ECT2L: variants seen among roughly 807,000 people sequenced by gnomAD.
ECT2L encodes epithelial cell transforming 2 like.
ECT2L carries 126 observed loss-of-function variants against 122.8 expected under a neutral mutation model. That is an observed-to-expected ratio of 1.03 (90% CI 0.89 to 1.19). The LOEUF is 1.19. ECT2L is among the 50% of genes most tolerant of loss of function. The probability of loss-of-function intolerance (pLI) is 0.00; values close to 1 mark genes in which losing one functional copy is unlikely to be tolerated. For synonymous variants in ECT2L, 385 were observed against 381.8 expected (o/e 1.01, Z -0.10); for missense variants, 1,012 against 1,064.1 (o/e 0.95, Z 0.68).
chr6:138,878,386 T>C (rs922417057), intron 14 of ECT2L, among the ~76,000 whole-genome samples: 2 of 151,664 alleles, frequency 1.3e-5, no homozygotes, highest in African/African-American at 2.4e-5. Context: ...AGATAACAGA[T>C]TGGAATATAA....
At chr6:138,860,274 C>A (rs1777777583) in intron 10 of ECT2L, among the ~76,000 whole-genome samples, 1 of 151,892 alleles carries the variant, frequency 6.6e-6, no homozygotes, top group Non-Finnish European at 1.5e-5. Context: ...TAGTTTTAAG[C>A]TTGACTTTTA....
chr6:138,885,876 C>A, intron 18 of ECT2L, 46 bp downstream of exon 18: 1 of 1,564,828 alleles, frequency 6.4e-7, no homozygotes, highest in Non-Finnish European at 8.7e-7. Context: ...TGTTACAATG[C>A]CTTTGTGGTA....
chr6:138,874,296 G>A (rs1778366404), intron 13 of ECT2L, among the ~76,000 whole-genome samples: 1 of 152,164 alleles, frequency 6.6e-6, no homozygotes, highest in East Asian at 1.9e-4. Context: ...CAGAATGATA[G>A]TTGTCTTATA....
rs767878094 is a variant in ECT2L, at chr6:138,885,666, T to C, written c.2103-8T>C. On this transcript the variant is annotated splice_region_variant and splice_polypyrimidine_tract_variant and intron_variant, in intron 17 of 21. Coordinates refer to ENST00000541398, the MANE Select transcript of ECT2L (RefSeq NM_001077706.3). ...AGACCAGAGCTCCCTTCTCTATGCCTCATACAGCCTGCCAGAGCTGCTGCT... is the reference window on the plus strand; with the variant it reads ...AGACCAGAGCTCCCTTCTCTATGCCCCATACAGCCTGCCAGAGCTGCTGCT... 6.2e-7 allele frequency: 1 copy of C among 1,613,802 alleles called. No homozygotes were observed. Among genetic ancestry groups the C allele is most frequent in the Non-Finnish European group, 8.5e-7 (1 of 1,179,898 alleles).
intron 5 of ECT2L, 68 bp downstream of exon 5, chr6:138,838,582 G>C (rs1294680438): frequency 4.1e-6 from 6 of 1,460,972 alleles, no homozygotes; most frequent in Non-Finnish European, 4.5e-6. Flanking sequence ...AGGCTACTGG[G>C]GTAGCTCCCG....
At position 138,847,355 on chromosome 6, in the gene ECT2L, CTTTTTTTTTTTTTT is replaced by C. The variant is rs1170631663; in HGVS notation, c.903+698_903+711del. 3.3e-3 allele frequency among the ~76,000 whole-genome samples: 182 copies of C among 54,954 alleles called. 1 individual carries two copies. The highest frequency in any genetic ancestry group is 0.02 in the Middle Eastern group (1 of 50). The allele number at this position is 54,954 out of a possible 152,430, so 36.1% of individuals were successfully genotyped here. On this transcript the variant is annotated intron_variant, in intron 8 of 21. Coordinates refer to ENST00000541398, the MANE Select transcript of ECT2L (RefSeq NM_001077706.3). ...TTTGAAAAAGCATTAAAGGCCCAAA[CTTTTTTTTTTTTTT>C]TTTTTTTTTTTTTTTTTTTGAGATG...
intron 4 of ECT2L, among the ~76,000 whole-genome samples, chr6:138,825,293 T>C (rs1245476832): frequency 6.6e-6 from 1 of 152,108 alleles, no homozygotes; most frequent in Non-Finnish European, 1.5e-5. Flanking sequence ...AGAAAATACA[T>C]ATAATGCCGA....
intron 8 of ECT2L, among the ~76,000 whole-genome samples, chr6:138,846,964 T>TAAAAAA (rs775229639): frequency 1.4e-5 from 1 of 73,110 alleles, no homozygotes; most frequent in African/African-American, 5.3e-5. Context: ...TCTGTTTCTA[T>TAAAAAA]AAAAAAAAAA....
chr6:138,900,627 T>C lies in ECT2L; in HGVS notation c.2415-321T>C, dbSNP rs997378042. On this transcript the variant is annotated intron_variant, in intron 20 of 21. Transcript: ENST00000541398. ...ACATCAAAGTACCTAACAACACAGA[T>C]ACAAAGTAATTCATTTCATAAAGAA... Among the ~76,000 whole-genome samples the C allele has an allele frequency of 5.3e-5, 8 of 152,192 alleles. No homozygotes were observed. The South Asian group carries it at 6.2e-4, about 12-fold the overall frequency.
In ECT2L at chr6:138,829,271, G is replaced by A. The variant is rs563287708; in HGVS notation, c.180-9081G>A. ...TCCCCAAGGAGCCCTGTTTCCTTTC[G>A]GTGGGAAATATTTGGTATTAGGTAT... is the stretch of plus-strand genomic sequence containing the variant. On this transcript the variant is annotated intron_variant, in intron 4 of 21. Coordinates refer to ENST00000541398, the MANE Select transcript of ECT2L (RefSeq NM_001077706.3). Among the ~76,000 whole-genome samples, 66 of 152,106 alleles carry A rather than the reference G, an allele frequency of 4.3e-4. 1 individual carries two copies. The highest frequency in any genetic ancestry group is 1.6e-3 in the African/African-American group (66 of 41,490).
At chr6:138,889,347 T>TG (rs1413761542) in intron 20 of ECT2L, among the ~76,000 whole-genome samples, 4 of 151,816 alleles carry the variant, frequency 2.6e-5, no homozygotes, top group African/African-American at 9.7e-5. Flanking sequence ...TTTTTTGAGA[T>TG]GGAGTCTCAC....
chr6:138,832,683 A>G lies in ECT2L; in HGVS notation c.180-5669A>G, dbSNP rs754933083. ...GGAAAGCCTAGCACTACTCATCAAG[A>G]CTGGGCCCAATTCTTCTGTGAATTT... On this transcript the variant is annotated intron_variant, in intron 4 of 21. Coordinates refer to ENST00000541398, the MANE Select transcript of ECT2L (RefSeq NM_001077706.3). Among the ~76,000 whole-genome samples, 16 of 151,746 alleles carry G rather than the reference A, an allele frequency of 1.1e-4. 1 individual carries two copies. The highest frequency in any genetic ancestry group is 2.1e-4 in the Non-Finnish European group (14 of 67,986).
chr6:138,811,673 T>G (rs765184575), intron 1 of ECT2L, among the ~76,000 whole-genome samples: 8 of 152,104 alleles, frequency 5.3e-5, no homozygotes, highest in Non-Finnish European at 1.0e-4. Context: ...ATTTTTATTT[T>G]ATTTATTTAT....
chr6:138,886,898 A>C lies in ECT2L; in HGVS notation c.2301A>C (p.Ile767=). The C allele has an allele frequency of 6.2e-7, 1 of 1,613,570 alleles. No individual in the cohort carries two copies. The highest frequency in any genetic ancestry group is 8.5e-7 in the Non-Finnish European group (1 of 1,179,708). The part of the protein sequence containing the change: ...NITMKDHLSD[I]QRIIWGCPTL... ...CTATGAAGGATCATCTGTCAGATAT[A>C]CAGAGAATCATCTGGGGATGCCCTG... Residue 767 remains isoleucine, a synonymous_variant, in exon 19 of 22, where the codon ATA becomes ATC. Transcript: ENST00000541398.
intron 19 of ECT2L, among the ~76,000 whole-genome samples, chr6:138,887,849 T>C (rs1778879657): frequency 6.6e-6 from 1 of 152,226 alleles, no homozygotes. Flanking sequence ...TCAATCATCA[T>C]ATCCTTTGCA....
intron 14 of ECT2L, among the ~76,000 whole-genome samples, chr6:138,879,632 A>C (rs1380958446): frequency 3.9e-5 from 6 of 152,192 alleles, no homozygotes. Context: ...TCTTTAGGCC[A>C]GTGTATGATT....
At chr6:138,861,478 C>T (rs902986235) in intron 10 of ECT2L, among the ~76,000 whole-genome samples, 3 of 152,096 alleles carry the variant, frequency 2.0e-5, no homozygotes, top group African/African-American at 4.8e-5. Context: ...CTCTAATGAC[C>T]AGTGATGATG....
intron 13 of ECT2L, among the ~76,000 whole-genome samples, chr6:138,873,666 C>T (rs781615163): frequency 3.7e-4 from 56 of 152,074 alleles, no homozygotes; most frequent in Admixed American, 1.2e-3. Context: ...TGGTGGTGGG[C>T]GCCTGTAATC....
chr6:138,796,395 C>A (rs546561720), intron 1 of ECT2L, among the ~76,000 whole-genome samples: 5 of 152,310 alleles, frequency 3.3e-5, no homozygotes, highest in Admixed American at 2.6e-4. Context: ...TGGGGAGAAA[C>A]AAAATCCACG....
Sources: allele counts gnomAD v4.1 joint callset (sites outside exome capture counted in the v4.1 genomes callset), GRCh38; gene constraint gnomAD v4.1.1; transcripts MANE v1.5; gene names NCBI Gene and HGNC (gene_info 2026-07-23, HGNC 2026-07-21).